BMAL2: variants seen among roughly 807,000 people sequenced by gnomAD.
BMAL2 encodes the protein basic helix-loop-helix ARNT like 2, also known as basic helix-loop-helix ARNT-like protein 2.
the BMAL2 span, among the ~76,000 whole-genome samples, chr12:27,393,441 C>T: frequency 6.6e-6 from 1 of 152,182 alleles, no homozygotes; most frequent in East Asian, 1.9e-4. Flanking sequence ...GTGGCTGATG[C>T]TGTTAATCCA....
chr12:27,387,409 C>T, the BMAL2 span: 1 of 844,428 alleles, frequency 1.2e-6, no homozygotes, highest in Non-Finnish European at 2.0e-6. Context: ...CACCTTCTCC[C>T]CACTGGGATA....
At chr12:27,353,504 A>T in the BMAL2 span, among the ~76,000 whole-genome samples, 3 of 152,230 alleles carry the variant, frequency 2.0e-5, no homozygotes, top group African/African-American at 4.8e-5. Context: ...ACCATTCTTG[A>T]TGTAGGCCTT....
the BMAL2 span, among the ~76,000 whole-genome samples, chr12:27,350,809 C>T: frequency 2.6e-4 from 40 of 151,356 alleles, no homozygotes; most frequent in African/African-American, 8.5e-4. Flanking sequence ...CCTCCTGTGT[C>T]GCTGGGATTA....
At chr12:27,369,932 A>T in the BMAL2 span, among the ~76,000 whole-genome samples, 3,642 of 152,290 alleles carry the variant, frequency 0.024, 142 homozygotes, top group African/African-American at 0.083. Flanking sequence ...AGAACTCAGA[A>T]ATGTCAAGCA....
chr12:27,369,291 T>C, the BMAL2 span, among the ~76,000 whole-genome samples: 1 of 142,828 alleles, frequency 7.0e-6, no homozygotes, highest in Non-Finnish European at 1.5e-5. Context: ...TTTTTTTTTC[T>C]TTTTTGGTGG....
At chr12:27,420,666 T>G in the BMAL2 span, 1 of 1,063,862 alleles carries the variant, frequency 9.4e-7, no homozygotes, top group Non-Finnish European at 1.3e-6. Flanking sequence ...TTTTATAGAT[T>G]TGCATCTTCC....
the BMAL2 span, among the ~76,000 whole-genome samples, chr12:27,353,129 C>T: frequency 1.3e-5 from 2 of 152,124 alleles, no homozygotes; most frequent in Non-Finnish European, 2.9e-5. Flanking sequence ...CCAGAGCAAT[C>T]CTAAGCAAAA....
chr12:27,376,844 C>CA, the BMAL2 span, among the ~76,000 whole-genome samples: 4 of 151,566 alleles, frequency 2.6e-5, no homozygotes, highest in Admixed American at 1.3e-4. Context: ...ACTAAAAATA[C>CA]AAAAAATTAG....
the BMAL2 span, chr12:27,403,471 TCTACTGGAAC>T: frequency 6.2e-7 from 1 of 1,611,452 alleles, no homozygotes; most frequent in Non-Finnish European, 8.5e-7. Flanking sequence ...ACCTGGAATG[TCTACTGGAAC>T]AGTACTTGGT....
chr12:27,352,377 A>T, the BMAL2 span, among the ~76,000 whole-genome samples: 1 of 152,192 alleles, frequency 6.6e-6, no homozygotes, highest in Non-Finnish European at 1.5e-5. Flanking sequence ...GTTAGAATGC[A>T]GTCAACCTCA....
chr12:27,423,977 T>C, the BMAL2 span: 7 of 152,190 alleles, frequency 4.6e-5, no homozygotes, highest in African/African-American at 7.2e-5. Context: ...CATACCAGAT[T>C]TTGAAGACTA....
chr12:27,411,545 G>A, the BMAL2 span, among the ~76,000 whole-genome samples: 2 of 152,088 alleles, frequency 1.3e-5, no homozygotes, highest in African/African-American at 4.8e-5. Context: ...TTGAGCCCAG[G>A]AATTCAAGTC....
At chr12:27,342,509 A>G in the BMAL2 span, among the ~76,000 whole-genome samples, 1 of 152,220 alleles carries the variant, frequency 6.6e-6, no homozygotes, top group Non-Finnish European at 1.5e-5. Flanking sequence ...TGAATACTTG[A>G]CAGAGGGCAT....
chr12:27,400,229 T>A, the BMAL2 span, among the ~76,000 whole-genome samples: 2 of 152,152 alleles, frequency 1.3e-5, no homozygotes, highest in South Asian at 4.1e-4. Flanking sequence ...TACTATAATT[T>A]TAAAAATTGA....
the BMAL2 span, among the ~76,000 whole-genome samples, chr12:27,350,760 AC>A: frequency 1.0e-3 from 154 of 147,392 alleles, no homozygotes; most frequent in Non-Finnish European, 1.9e-3. Flanking sequence ...GCTCACTGCA[AC>A]CTCCTCCTCC....
At chr12:27,377,883 C>T in the BMAL2 span, among the ~76,000 whole-genome samples, 10 of 152,134 alleles carry the variant, frequency 6.6e-5, no homozygotes, top group Non-Finnish European at 8.8e-5. Context: ...GTGTCATTGC[C>T]GAGGGTGAAT....
At chr12:27,420,482 G>T in the BMAL2 span, 1,385 of 1,613,434 alleles carry the variant, frequency 8.6e-4, no homozygotes, top group Non-Finnish European at 1.1e-3. Flanking sequence ...AGAAGCAGAG[G>T]GGGGCCTGGG....
chr12:27,348,678 G>A, the BMAL2 span, among the ~76,000 whole-genome samples: 5 of 152,040 alleles, frequency 3.3e-5, no homozygotes, highest in Non-Finnish European at 2.9e-5. Flanking sequence ...ACAGTAAATA[G>A]GAAGAAATAG....
the BMAL2 span, chr12:27,376,337 T>C: frequency 6.2e-7 from 1 of 1,612,882 alleles, no homozygotes; most frequent in Non-Finnish European, 8.5e-7. Flanking sequence ...TTATCCTGCT[T>C]TTTTGTAGAG....
Sources: allele counts gnomAD v4.1 joint callset (sites outside exome capture counted in the v4.1 genomes callset), GRCh38; gene constraint gnomAD v4.1.1; transcripts MANE v1.5; gene names NCBI Gene and HGNC (gene_info 2026-07-23, HGNC 2026-07-21).